Variants in COL21A1 observed in about 807,000 individuals in gnomAD.
COL21A1 encodes the protein collagen alpha-1(XXI) chain.
In COL21A1, 149 loss-of-function variants were observed where a neutral mutation model predicts 137.9. The observed-to-expected ratio is 1.08, with a 90% CI of 0.95 to 1.24. The LOEUF is 1.24. Among genes scored for constraint, COL21A1 ranks in the 50% most tolerant of loss-of-function variants. The probability of loss-of-function intolerance (pLI) is 0.00; values close to 1 mark genes in which losing one functional copy is unlikely to be tolerated. For missense variants in COL21A1, 1,167 were observed against 1,158.4 expected, an observed-to-expected ratio of 1.01 and a Z score of -0.11; for synonymous variants, 456 against 391.5, an observed-to-expected ratio of 1.16 and a Z score of -1.95.
intron 9 of COL21A1, 112 bp downstream of exon 9, chr6:56,164,311 A>G: frequency 1.3e-6 from 1 of 756,544 alleles, no homozygotes; most frequent in Non-Finnish European, 2.2e-6. Context: ...TAAACTCTAT[A>G]AGAAATCAGA....
At chr6:56,238,168 C>G (rs547360530) in intron 1 of COL21A1, among the ~76,000 whole-genome samples, 1 of 152,092 alleles carries the variant, frequency 6.6e-6, no homozygotes, top group Non-Finnish European at 1.5e-5. Flanking sequence ...GGGCTGGGAG[C>G]CTTGTGATAT....
chr6:56,170,777 T>C lies in COL21A1; in HGVS notation c.898A>G (p.Ile300Val), dbSNP rs948694869. Residue 300 changes from isoleucine to valine, a missense_variant, in exon 5 of 30, where the codon ATA becomes GTA. Coordinates refer to ENST00000244728, the MANE Select transcript of COL21A1 (RefSeq NM_030820.4). ...TGTGGCCTTCCATCAATAGTTAATA[T>C]TCTCCATAAATCCCAAATTTTCTTG... ...KVKKIWDLWRILTIDGRPQIA... is the reference protein window; with the variant it reads ...KVKKIWDLWRVLTIDGRPQIA... 4 of 1,608,692 alleles carry C rather than the reference T, an allele frequency of 2.5e-6. No individual in the cohort carries two copies. Among genetic ancestry groups the C allele is most frequent in the Non-Finnish European group, 3.4e-6 (4 of 1,176,514 alleles).
intron 1 of COL21A1, among the ~76,000 whole-genome samples, chr6:56,299,669 A>T (rs1213363644): frequency 1.3e-5 from 2 of 151,994 alleles, no homozygotes; most frequent in Non-Finnish European, 2.9e-5. Flanking sequence ...TTCTGATCAG[A>T]CTTCCATCTT....
chr6:56,267,494 T>G (rs899578116), intron 1 of COL21A1, among the ~76,000 whole-genome samples: 4 of 152,122 alleles, frequency 2.6e-5, no homozygotes, highest in African/African-American at 9.7e-5. Context: ...CAGTGACTCA[T>G]GCCTGTAATC....
chr6:56,274,166 T>C (rs778280243), intron 1 of COL21A1, among the ~76,000 whole-genome samples: 7 of 152,072 alleles, frequency 4.6e-5, no homozygotes, highest in Non-Finnish European at 1.0e-4. Context: ...AAATCCAACA[T>C]CCCTTCATGA....
At chr6:56,216,150 A>C (rs77572554) in intron 1 of COL21A1, among the ~76,000 whole-genome samples, 2 of 152,006 alleles carry the variant, frequency 1.3e-5, no homozygotes, top group Non-Finnish European at 2.9e-5. Flanking sequence ...TTGGAGCCAC[A>C]TATCAGTGGA....
intron 1 of COL21A1, among the ~76,000 whole-genome samples, chr6:56,258,103 C>G (rs906143747): frequency 6.6e-6 from 1 of 151,986 alleles, no homozygotes; most frequent in Non-Finnish European, 1.5e-5. Context: ...GTCTTTTTGA[C>G]TAAAAATATT....
At chr6:56,313,668 G>T (rs1334127698) in intron 1 of COL21A1, among the ~76,000 whole-genome samples, 1 of 151,974 alleles carries the variant, frequency 6.6e-6, no homozygotes, top group Non-Finnish European at 1.5e-5. Context: ...CAGTTACATT[G>T]GAGGTTTGAG....
intron 1 of COL21A1, among the ~76,000 whole-genome samples, chr6:56,341,478 G>T (rs192482980): frequency 5.9e-5 from 9 of 152,274 alleles, no homozygotes; most frequent in African/African-American, 2.2e-4. Context: ...CCAGTCAGAA[G>T]ACCAGAAGAC....
intron 1 of COL21A1, among the ~76,000 whole-genome samples, chr6:56,366,960 T>C (rs773891756): frequency 6.6e-6 from 1 of 152,226 alleles, no homozygotes; most frequent in Non-Finnish European, 1.5e-5. Flanking sequence ...GTCTAAACCT[T>C]ACCTCAATTT....
chr6:56,286,995 A>G (rs1010832621), intron 1 of COL21A1, among the ~76,000 whole-genome samples: 2 of 152,158 alleles, frequency 1.3e-5, no homozygotes, highest in South Asian at 2.1e-4. Context: ...TTAATCTTTC[A>G]TTTATCATAT....
intron 1 of COL21A1, among the ~76,000 whole-genome samples, chr6:56,347,398 A>ATTATCCTTCCTGCATG (rs1168317866): frequency 2.6e-5 from 4 of 151,700 alleles, no homozygotes; most frequent in African/African-American, 9.7e-5. Context: ...CTGGTCTTCT[A>ATTATCCTTCCTGCATG]TTATCCTTCC....
chr6:56,078,607 C>T (rs1351049783), intron 17 of COL21A1, among the ~76,000 whole-genome samples: 1 of 151,634 alleles, frequency 6.6e-6, no homozygotes, highest in Non-Finnish European at 1.5e-5. Flanking sequence ...CTGCCATTAT[C>T]TTTATTTTCA....
At chr6:56,389,144 C>T (rs2094024232) in intron 1 of COL21A1, among the ~76,000 whole-genome samples, 1 of 152,068 alleles carries the variant, frequency 6.6e-6, no homozygotes, top group Non-Finnish European at 1.5e-5. Flanking sequence ...AGTGGATCAT[C>T]TGAGGTCAGG....
intron 1 of COL21A1, among the ~76,000 whole-genome samples, chr6:56,226,348 A>T (rs182704772): frequency 6.6e-6 from 1 of 152,200 alleles, no homozygotes; most frequent in African/African-American, 2.4e-5. Flanking sequence ...TTTAATGTAT[A>T]TGAACACATC....
At chr6:56,351,101 C>T (rs1243749936) in intron 1 of COL21A1, among the ~76,000 whole-genome samples, 1 of 152,244 alleles carries the variant, frequency 6.6e-6, no homozygotes, top group Non-Finnish European at 1.5e-5. Flanking sequence ...AGGCATGAAG[C>T]TAACAACCTA....
rs539032693 is a variant in COL21A1, at chr6:56,148,889, C to T, written c.1435-6906G>A. Among the ~76,000 whole-genome samples, 212 of 152,330 alleles carry T rather than the reference C, an allele frequency of 1.4e-3. 2 individuals are homozygous for T. The highest frequency in any genetic ancestry group is 2.7e-3 in the Non-Finnish European group (182 of 68,034). ...GTTCTGGCCCACTCCAAGTTATACA[C>T]TTCTGAATGAATTCCAGTTCCTTCG... On this transcript the variant is annotated intron_variant, in intron 10 of 29. Coordinates refer to ENST00000244728, the MANE Select transcript of COL21A1 (RefSeq NM_030820.4).
In COL21A1 at chr6:56,060,013, C is replaced by T. The variant is rs1263985140; in HGVS notation, c.2608+5G>A. The stretch of plus-strand genomic sequence containing the variant: ...TTCATTTTCTTGTTGAAACTAACTG[C>T]ATACCTTTTAATCCTCTGACACCTG... On this transcript the variant is annotated splice_donor_5th_base_variant and intron_variant, in intron 28 of 29. Transcript: ENST00000244728. The T allele has an allele frequency of 1.9e-6, 3 of 1,588,408 alleles. No individual in the cohort carries two copies. Among genetic ancestry groups the T allele is most frequent in the African/African-American group, 2.7e-5 (2 of 73,490 alleles).
intron 17 of COL21A1, among the ~76,000 whole-genome samples, chr6:56,083,423 T>C (rs1404721693): frequency 6.6e-6 from 1 of 151,966 alleles, no homozygotes; most frequent in Non-Finnish European, 1.5e-5. Flanking sequence ...TGCTCTGTAT[T>C]TTTCCACTTT....
Sources: allele counts gnomAD v4.1 joint callset (sites outside exome capture counted in the v4.1 genomes callset), GRCh38; gene constraint gnomAD v4.1.1; transcripts MANE v1.5; gene names NCBI Gene and HGNC (gene_info 2026-07-23, HGNC 2026-07-21).